Variants in NLGN4X observed in about 807,000 individuals in gnomAD.
NLGN4X encodes the protein neuroligin 4 X-linked.
In NLGN4X, 3 loss-of-function variants were observed where a neutral mutation model predicts 40.3. The observed-to-expected ratio is 0.07, with a 90% confidence interval of 0.03 to 0.19. The LOEUF is 0.19. Ranked by LOEUF, NLGN4X falls within the 10% of genes least tolerant of loss-of-function variation. NLGN4X has a pLI of 1.00. For missense variants in NLGN4X, 382 were observed against 708.3 expected (o/e 0.54, Z 5.23); for synonymous variants, 270 against 306.8 (o/e 0.88, Z 1.25).
At chrX:5,920,173 C>T (rs770517826) in intron 3 of NLGN4X, among the ~76,000 whole-genome samples, 25 of 111,640 alleles carry the variant, frequency 2.2e-4, no homozygotes, top group Admixed American at 1.6e-3. Context: ...TTACGAGTTG[C>T]GAAGTTTCAA....
chrX:5,925,923 T>C (rs80121250), intron 3 of NLGN4X, among the ~76,000 whole-genome samples: 12,685 of 61,156 alleles, frequency 0.21, 1,384 homozygotes, highest in African/African-American at 0.26. Context: ...TATATATATA[T>C]ATATATATAA....
chrX:6,118,069 T>C (rs1201036119), intron 2 of NLGN4X, among the ~76,000 whole-genome samples: 4 of 109,487 alleles, frequency 3.7e-5, no homozygotes, highest in Non-Finnish European at 5.7e-5. Flanking sequence ...ACTTTCTCCC[T>C]CTCTCTCTCT....
chrX:5,933,662 A>G (rs761702676), intron 3 of NLGN4X, among the ~76,000 whole-genome samples: 1 of 112,056 alleles, frequency 8.9e-6, no homozygotes, highest in East Asian at 2.8e-4. Context: ...AATGACAGGT[A>G]GAAACTTATG....
At chrX:6,223,714 C>A (rs747529705) in intron 1 of NLGN4X, among the ~76,000 whole-genome samples, 23 of 112,599 alleles carry the variant, frequency 2.0e-4, no homozygotes, top group African/African-American at 7.1e-4. Flanking sequence ...GACCTAATTG[C>A]CTCAGCAGCC....
At chrX:6,139,684 G>C (rs1277089675) in intron 2 of NLGN4X, among the ~76,000 whole-genome samples, 1 of 111,483 alleles carries the variant, frequency 9.0e-6, no homozygotes, top group African/African-American at 3.3e-5. Flanking sequence ...AAATCCTAAA[G>C]CAGTCCCTGA....
intron 3 of NLGN4X, 84 bp from the exon 4 acceptor site, chrX:5,909,323 C>G (rs2032364264): frequency 1.9e-6 from 2 of 1,061,592 alleles, no homozygotes; most frequent in African/African-American, 3.6e-5. Context: ...TATCTCATAG[C>G]TTGTCTTCTT....
At chrX:6,095,945 A>G (rs924604254) in intron 2 of NLGN4X, among the ~76,000 whole-genome samples, 4 of 112,287 alleles carry the variant, frequency 3.6e-5, no homozygotes, top group African/African-American at 1.3e-4. Flanking sequence ...CTGAATATGG[A>G]GGCTGCAATG....
intron 3 of NLGN4X, among the ~76,000 whole-genome samples, chrX:6,002,216 T>C (rs1383633267): frequency 8.9e-6 from 1 of 112,151 alleles, no homozygotes; most frequent in Non-Finnish European, 1.9e-5. Flanking sequence ...GTATGTGTGA[T>C]AAGGAGTGCT....
At chrX:6,175,653 C>CACAAA (rs1182298897) in intron 1 of NLGN4X, among the ~76,000 whole-genome samples, 5 of 14,259 alleles carry the variant, frequency 3.5e-4, no homozygotes, top group Non-Finnish European at 5.0e-4. Flanking sequence ...TTATCTATTA[C>CACAAA]AGAAAAAAAA....
At chrX:5,944,650 C>CAAAAAAA (rs750871231) in intron 3 of NLGN4X, among the ~76,000 whole-genome samples, 1 of 25,534 alleles carries the variant, frequency 3.9e-5, no homozygotes, top group African/African-American at 1.4e-4. Context: ...GACTCTGTCT[C>CAAAAAAA]AAAAAAAAAA....
chrX:6,160,960 A>C (rs1414919925), intron 1 of NLGN4X, among the ~76,000 whole-genome samples: 1 of 99,060 alleles, frequency 1.0e-5, no homozygotes, highest in East Asian at 3.0e-4. Flanking sequence ...ATAAAATATA[A>C]ATAAAATATA....
At chrX:6,142,413 A>G (rs1225061863) in intron 2 of NLGN4X, among the ~76,000 whole-genome samples, 2 of 112,405 alleles carry the variant, frequency 1.8e-5, no homozygotes, top group Non-Finnish European at 3.8e-5. Flanking sequence ...AATACTAAAT[A>G]CTTTTCAATT....
intron 3 of NLGN4X, among the ~76,000 whole-genome samples, chrX:5,995,354 G>T (rs2035791295): frequency 1.8e-5 from 2 of 112,717 alleles, no homozygotes; most frequent in Middle Eastern, 9.1e-3. Flanking sequence ...AAAACAGCTA[G>T]AACTTGATTT....
At chrX:6,141,268 T>G (rs978984410) in intron 2 of NLGN4X, among the ~76,000 whole-genome samples, 1 of 111,666 alleles carries the variant, frequency 9.0e-6, no homozygotes, top group African/African-American at 3.3e-5. Context: ...AACAGTCTAG[T>G]AAGATCGGAT....
intron 3 of NLGN4X, among the ~76,000 whole-genome samples, chrX:5,917,817 C>A (rs1272056348): frequency 8.9e-6 from 1 of 112,260 alleles, no homozygotes; most frequent in Non-Finnish European, 1.9e-5. Flanking sequence ...TCAAATTAGA[C>A]TCTGACTCTA....
intron 2 of NLGN4X, among the ~76,000 whole-genome samples, chrX:6,140,330 G>A (rs768866044): frequency 4.0e-4 from 44 of 110,777 alleles, no homozygotes; most frequent in Non-Finnish European, 7.4e-4. Context: ...TGGGGTTTCA[G>A]AGAGGAAGAG....
chrX:6,088,619 G>A (rs1304911749), intron 2 of NLGN4X, among the ~76,000 whole-genome samples: 1 of 111,842 alleles, frequency 8.9e-6, no homozygotes, highest in Non-Finnish European at 1.9e-5. Context: ...GTTTGTGTAA[G>A]TCTTTTATCA....
intron 1 of NLGN4X, among the ~76,000 whole-genome samples, chrX:6,172,664 T>C (rs1366930929): frequency 8.9e-6 from 1 of 112,141 alleles, no homozygotes; most frequent in Non-Finnish European, 1.9e-5. Context: ...TTTTTTCAAT[T>C]TTTAAAAAGA....
In NLGN4X at chrX:5,996,444, T is replaced by C. The variant is rs188450419; in HGVS notation, c.625+32836A>G. On this transcript the variant is annotated intron_variant, in intron 3 of 5. Coordinates refer to ENST00000381095, the MANE Select transcript of NLGN4X (RefSeq NM_181332.3). ...GATAACAGAGGCACAGAGCCTCCAC[T>C]TACACAGAGCAAAGGAGGCTGTGGG... 9.8e-5 allele frequency among the ~76,000 whole-genome samples: 11 copies of C among 111,741 alleles called. No homozygotes were observed. The East Asian group carries it at 3.1e-3, about 32-fold the overall frequency.
Sources: gnomAD v4.1 joint callset for allele counts (sites outside exome capture counted in the v4.1 genomes callset) on GRCh38, gnomAD v4.1.1 for gene constraint, MANE v1.5 for transcripts, NCBI Gene and HGNC (gene_info 2026-07-23, HGNC 2026-07-21) for gene names.